The following PKD1L3 variants were observed in gnomAD, a reference collection of about 807,000 sequenced individuals.
PKD1L3 encodes the protein polycystin-1-like protein 3.
A neutral mutation model predicts 184.1 loss-of-function variants in PKD1L3; 239 were observed. The observed-to-expected ratio is 1.30, with a 90% confidence interval of 1.17 to 1.45. The LOEUF (loss-of-function observed/expected upper bound fraction) is 1.45, where lower values mean the gene tolerates loss of function less well. Ranked by LOEUF, PKD1L3 falls within the 40% of genes most tolerant of loss-of-function variation. The probability of loss-of-function intolerance (pLI) is 0.00; values close to 1 mark genes in which losing one functional copy is unlikely to be tolerated. For missense variants in PKD1L3, 2,660 were observed against 2,067.2 expected (o/e 1.29, Z -5.56); for synonymous variants, 996 against 778.8 (o/e 1.28, Z -4.64).
In PKD1L3 at chr16:71,969,915, A is replaced by G. The variant is rs1422346220; in HGVS notation, c.2144T>C (p.Val715Ala). Residue 715 changes from valine to alanine, a missense_variant, in exon 13 of 30, where the codon GTT (valine) becomes GCT (alanine). Coordinates refer to ENST00000620267, the MANE Select transcript of PKD1L3 (RefSeq NM_181536.2). ...TTGATCCTTTTTCCGAGCCCACACAACTGTGATCACATAAAATCCTAAAAG... is the reference window on the plus strand; with the variant it reads ...TTGATCCTTTTTCCGAGCCCACACAGCTGTGATCACATAAAATCCTAAAAG... ...ASLLGFYVIT[V>A]VWARKKDQAD... 1.4e-5 allele frequency: 21 copies of G among 1,551,878 alleles called. No individual in the cohort carries two copies. Among genetic ancestry groups the G allele is most frequent in the Non-Finnish European group, 1.7e-5 (19 of 1,147,054 alleles).
At chr16:71,972,270 A>T (rs939895143) in intron 12 of PKD1L3, among the ~76,000 whole-genome samples, 1 of 152,052 alleles carries the variant, frequency 6.6e-6, no homozygotes, top group African/African-American at 2.4e-5. Context: ...GTGGTGGTGC[A>T]TGCCTGTAAT....
Position 71,950,309 on chromosome 16 carries a change from A to T in PKD1L3, c.3192T>A (p.Val1064=). The T allele has an allele frequency of 6.6e-7, 1 of 1,515,306 alleles. No individual in the cohort carries two copies. The highest frequency in any genetic ancestry group is 8.9e-7 in the Non-Finnish European group (1 of 1,126,288). 93.9% of individuals were successfully genotyped at this position (1,515,306 alleles called of 1,614,324 possible). ...HQQGERHWAR[V]VPENHHHFCC... The stretch of plus-strand genomic sequence containing the variant: ...AGAAATGATGGTGGTTTTCAGGAAC[A>T]ACTGAAAATATATTTCAAGTTGACA... Residue 1064 remains valine, a splice_region_variant and synonymous_variant, in exon 20 of 30, where the codon GTT becomes GTA. Coordinates refer to ENST00000620267, the MANE Select transcript of PKD1L3 (RefSeq NM_181536.2).
At chr16:71,943,771 T>C (rs1252506106) in intron 23 of PKD1L3, among the ~76,000 whole-genome samples, 1 of 152,098 alleles carries the variant, frequency 6.6e-6, no homozygotes, top group Admixed American at 6.6e-5. Flanking sequence ...TCATTTTCCC[T>C]CCATAGATCA....
rs552522607 is a variant in PKD1L3, at chr16:71,989,443, G to A, written c.585+837C>T. 2.6e-4 allele frequency among the ~76,000 whole-genome samples: 40 copies of A among 152,296 alleles called. 1 individual carries two copies. The South Asian group carries it at 7.9e-3, about 30-fold the overall frequency. On this transcript the variant is annotated intron_variant, in intron 4 of 29. Coordinates refer to ENST00000620267, the MANE Select transcript of PKD1L3 (RefSeq NM_181536.2). ...GCTGGGATTACGGGCGTGAGCCACC[G>A]TGCCCAGCCTCTGTTCTTTTATACT...
rs1465202646 is a variant in PKD1L3, at chr16:71,949,981, T to C, written c.3420A>G (p.Glu1140=). Residue 1140 remains glutamate (E), a synonymous_variant, in exon 21 of 30, where the codon GAA becomes GAG. Transcript: ENST00000620267. ...GGCCATTTGAGATGGGCTTTTTTCC[T>C]TCTTCTGAGCTCAGGATGGCAAAAC... ...VTSFAILSSE[E]GKKPISNGLS... is the part of the protein sequence containing the mutation. 1.3e-6 allele frequency: 2 copies of C among 1,551,524 alleles called. No homozygotes were observed. Among genetic ancestry groups the C allele is most frequent in the Admixed American group, 2.0e-5 (1 of 50,914 alleles).
At chr16:71,983,466 A>G (rs1276503918) in intron 6 of PKD1L3, among the ~76,000 whole-genome samples, 1 of 152,134 alleles carries the variant, frequency 6.6e-6, no homozygotes. Flanking sequence ...CAGACTTCTA[A>G]CAAATGCATC....
chr16:71,991,674 A>G (rs1461669032), intron 3 of PKD1L3, among the ~76,000 whole-genome samples: 11 of 152,220 alleles, frequency 7.2e-5, no homozygotes, highest in Admixed American at 7.2e-4. Flanking sequence ...GGTATTTCCT[A>G]AGGACAAAAC....
chr16:71,981,218 G>A (rs1167389991), intron 7 of PKD1L3, among the ~76,000 whole-genome samples: 2 of 152,194 alleles, frequency 1.3e-5, no homozygotes, highest in African/African-American at 4.8e-5. Flanking sequence ...GTATGGACAT[G>A]TTTTCAACTC....
rs771683973 is a variant in PKD1L3 at position 71,951,578 on chromosome 16, C to T, written c.3176G>A (p.Arg1059His). ...CTGAAGTTTACCACGTGCCCAGTGG[C>T]GCTCTCCCTGCTGATGACAGCCTTG... ...EGQGCHQQGE[R>H]HWARVVPENH... Residue 1059 changes from arginine to histidine, a missense_variant, in exon 19 of 30, where the codon CGC becomes CAC. Physicochemically the swap from Arg to His is conservative, Grantham distance 29. Transcript: ENST00000620267. 51 of 1,550,324 alleles carry T rather than the reference C, an allele frequency of 3.3e-5. 2 individuals are homozygous for T. The South Asian group carries it at 5.3e-4, about 16-fold the overall frequency.
rs917547331 is a variant in PKD1L3 at position 71,979,724 on chromosome 16, C to G, written c.1398+62G>C. The stretch of plus-strand genomic sequence containing the variant: ...CATTTCATGATACATTACTTTCACC[C>G]AAATGCCTACATGGCCATCAGATCC... On this transcript the variant is annotated intron_variant, in intron 9 of 29. Coordinates refer to ENST00000620267, the MANE Select transcript of PKD1L3 (RefSeq NM_181536.2). 4.1e-6 allele frequency: 6 copies of G among 1,451,848 alleles called. No individual in the cohort carries two copies. The African/African-American group carries it at 8.6e-5, about 21-fold the overall frequency. The allele number at this position is 1,451,848 out of a possible 1,614,324, so 89.9% of individuals were successfully genotyped here.
At chr16:71,975,223 T>C (rs549181992) in intron 11 of PKD1L3, among the ~76,000 whole-genome samples, 52 of 20,118 alleles carry the variant, frequency 2.6e-3, no homozygotes, top group Middle Eastern at 0.026. Context: ...GCTCGGCTAA[T>C]TTTTTTTTTT....
At chr16:71,967,100 A>G in intron 15 of PKD1L3, 37 bp downstream of exon 15, 2 of 1,527,958 alleles carry the variant, frequency 1.3e-6, no homozygotes, top group Non-Finnish European at 1.8e-6. Context: ...TGGATCCACA[A>G]AGCAGCAGCA....
intron 27 of PKD1L3, 92 bp from the exon 28 acceptor site, chr16:71,933,613 G>T: frequency 1.0e-6 from 1 of 964,182 alleles, no homozygotes; most frequent in Non-Finnish European, 1.6e-6. Flanking sequence ...TAGAAGCAAT[G>T]GAACAGAAAT....
intron 6 of PKD1L3, 49 bp from the exon 7 acceptor site, chr16:71,982,284 T>A: frequency 1.6e-6 from 2 of 1,268,688 alleles, no homozygotes; most frequent in Non-Finnish European, 2.1e-6. Context: ...TTTGCTTTTT[T>A]TTTTTTTTTT....
intron 24 of PKD1L3, among the ~76,000 whole-genome samples, chr16:71,938,936 G>T (rs560889277): frequency 8.8e-4 from 134 of 152,306 alleles, no homozygotes; most frequent in Middle Eastern, 3.4e-3. Context: ...ACACAAACAG[G>T]GCTGAAACAC....
At chr16:71,977,508 T>C (rs1054656225) in intron 10 of PKD1L3, 41 bp from the exon 11 acceptor site, 9 of 1,433,572 alleles carry the variant, frequency 6.3e-6, no homozygotes, top group South Asian at 1.2e-5. Flanking sequence ...GGTCCATCCA[T>C]TGATGTCTTT....
intron 4 of PKD1L3, among the ~76,000 whole-genome samples, chr16:71,987,534 G>A (rs1402775283): frequency 8.6e-5 from 13 of 151,964 alleles, no homozygotes; most frequent in Non-Finnish European, 1.8e-4. Context: ...CACCACACCC[G>A]GCTAATTTTT....
intron 15 of PKD1L3, among the ~76,000 whole-genome samples, chr16:71,963,888 A>G (rs1389107089): frequency 2.0e-5 from 3 of 152,150 alleles, no homozygotes; most frequent in Admixed American, 6.5e-5. Flanking sequence ...CTATGAATAG[A>G]TAAGTATGTA....
rs2040184155 is a variant in PKD1L3 at position 71,982,126 on chromosome 16, T to G, written c.1076A>C (p.His359Pro). ...FKVPPTVCPFHSLNNVTKAGE... is the reference protein window; with the variant it reads ...FKVPPTVCPFPSLNNVTKAGE... ...AGCTTTGGTGACATTGTTGAGGGAA[T>G]GAAAGGGGCAGACAGTTGGAGGAAC... Residue 359 changes from histidine (H) to proline (P), a missense_variant, in exon 7 of 30, where the codon CAT (histidine) becomes CCT (proline). Coordinates refer to ENST00000620267, the MANE Select transcript of PKD1L3 (RefSeq NM_181536.2). 6.4e-7 allele frequency: 1 copy of G among 1,551,866 alleles called. No individual in the cohort carries two copies. The highest frequency in any genetic ancestry group is 1.4e-5 in the African/African-American group (1 of 73,052).
Sources: allele counts gnomAD v4.1 joint callset (sites outside exome capture counted in the v4.1 genomes callset), GRCh38; gene constraint gnomAD v4.1.1; transcripts MANE v1.5; gene names NCBI Gene and HGNC (gene_info 2026-07-23, HGNC 2026-07-21).